The following MCM2 variants were observed in gnomAD, a reference collection of about 807,000 sequenced individuals.
MCM2 encodes the protein minichromosome maintenance complex component 2.
Under a neutral mutation model 86.4 loss-of-function variants are expected in MCM2, and 49 were observed. That is an observed-to-expected ratio of 0.57 (90% confidence interval 0.45 to 0.72). The LOEUF is 0.72. Among genes scored for constraint, MCM2 ranks in the 30% least tolerant of loss-of-function variants. The pLI, the probability that MCM2 is intolerant of heterozygous loss-of-function variation, is 0.00. For missense variants in MCM2, 1,038 were observed against 1,259.9 expected (o/e 0.82, Z 2.67); for synonymous variants, 475 against 484.6 (o/e 0.98, Z 0.26).
At position 127,620,780 on chromosome 3, in the gene MCM2, G is replaced by A. The variant is rs543054543; in HGVS notation, c.2348G>A (p.Arg783Gln). The change falls in exon 14 of 16, where the codon CGG becomes CAG. Residue 783 changes from arginine to glutamine, a missense_variant. This residue lies in a region of MCM2 where 336 missense variants were observed against 425.7 expected (regional missense o/e 0.79). Transcript: ENST00000265056. ...GAGGCCCACGCGCGCATCCATCTGC[G>A]GGACTATGTGATCGAAGACGACGTC... ...MAEAHARIHL[R>Q]DYVIEDDVNM... 7.4e-5 allele frequency: 119 copies of A among 1,614,122 alleles called. 3 individuals are homozygous for A. The South Asian group carries it at 1.0e-3, about 14-fold the overall frequency.
intron 2 of MCM2, among the ~76,000 whole-genome samples, chr3:127,603,722 C>T (rs1029159512): frequency 2.0e-5 from 3 of 151,746 alleles, no homozygotes; most frequent in Non-Finnish European, 4.4e-5. Flanking sequence ...AGTGCAGTGG[C>T]ACAATCTCTG....
rs567761231 is a variant in MCM2, at chr3:127,617,157, G to A, written c.1773+39G>A. 6 of 1,607,736 alleles carry A rather than the reference G, an allele frequency of 3.7e-6. No individual in the cohort carries two copies. The African/African-American group carries it at 5.3e-5, about 14-fold the overall frequency. ...TCACGGAGGCTGGTGGAACTCAGGG[G>A]GTGTGTGTGGGCTTGGGCCTTAGCG... On this transcript the variant is annotated intron_variant, in intron 10 of 15. Coordinates refer to ENST00000265056, the MANE Select transcript of MCM2 (RefSeq NM_004526.4). This position sits in a 1 kb window ranked among gnomAD's most constrained non-coding sequence, Gnocchi z 4.1.
In MCM2 at chr3:127,608,488, T is replaced by G; in HGVS notation, c.1208T>G (p.Val403Gly). The G allele has an allele frequency of 6.2e-7, 1 of 1,613,986 alleles. No individual in the cohort carries two copies. The highest frequency in any genetic ancestry group is 8.5e-7 in the Non-Finnish European group (1 of 1,179,988). The change falls in exon 7 of 16, where the codon GTG (valine) becomes GGG (glycine). Residue 403 changes from valine to glycine, a missense_variant. Val to Gly is a moderately radical substitution (Grantham distance 109). Around this residue, in one of 4 missense-constraint regions of MCM2, gnomAD observed 399 missense variants for 507.2 expected, o/e 0.79. Coordinates refer to ENST00000265056, the MANE Select transcript of MCM2 (RefSeq NM_004526.4). ...SKDAILLADL[V>G]DSCKPGDEIE... ...GACGCCATTCTCCTCGCAGATCTGG[T>G]GGACAGCTGCAAGCCAGGAGACGAG...
chr3:127,605,069 C>T lies in MCM2; in HGVS notation c.586C>T (p.His196Tyr), dbSNP rs752260808. The T allele has an allele frequency of 5.0e-6, 8 of 1,613,800 alleles. No individual in the cohort carries two copies. Among genetic ancestry groups the T allele is most frequent in the East Asian group, 4.5e-5 (2 of 44,902 alleles). Residue 196 changes from histidine (H) to tyrosine (Y), a missense_variant, in exon 4 of 16, where the codon CAC becomes TAC. This residue lies in a region of MCM2 where 300 missense variants were observed against 307.4 expected (regional missense o/e 0.98). Transcript: ENST00000265056. ...CATGGCGGGCCCCCGGCTGGAGATC[C>T]ACCACCGCTTCAAGAACTTCCTGCG... ...VSMAGPRLEI[H>Y]HRFKNFLRTH...
chr3:127,620,971 C>G, intron 14 of MCM2, 91 bp downstream of exon 14: 1 of 1,571,560 alleles, frequency 6.4e-7, no homozygotes, highest in Non-Finnish European at 8.7e-7. Context: ...GACGTGCACC[C>G]AGGAGCGGCA....
chr3:127,616,846 CGCTT>C lies in MCM2; in HGVS notation c.1523-21_1523-18del. On this transcript the variant is annotated intron_variant, in intron 9 of 15. Coordinates refer to ENST00000265056, the MANE Select transcript of MCM2 (RefSeq NM_004526.4). ...CTCACTTCCCACTCTCCCCCTCCCCCGCTTCTACTCATCCCCTCCAGGTGGCAAG... is the reference window on the plus strand; with the variant it reads ...CTCACTTCCCACTCTCCCCCTCCCCCCTACTCATCCCCTCCAGGTGGCAAG... 1 of 1,603,986 alleles carries C rather than the reference CGCTT, an allele frequency of 6.2e-7. No homozygotes were observed. Among genetic ancestry groups the C allele is most frequent in the Non-Finnish European group, 8.5e-7 (1 of 1,172,434 alleles).
chr3:127,599,467 G>T lies in MCM2; in HGVS notation c.156G>T (p.Glu52Asp), dbSNP rs2074290197. 1 of 1,614,076 alleles carries T rather than the reference G, an allele frequency of 6.2e-7. No individual in the cohort carries two copies. The highest frequency in any genetic ancestry group is 8.5e-7 in the Non-Finnish European group (1 of 1,180,036). The part of the protein sequence containing the change: ...PGRDLPPFED[E>D]SEGLLGTEGP... ...GTGACCTTCCACCATTTGAGGATGA[G>T]TCCGAGGGGCTCCTAGGCACAGAGG... Residue 52 changes from glutamate to aspartate, a missense_variant, in exon 2 of 16, where the codon GAG becomes GAT. Glu to Asp is a conservative substitution (Grantham distance 45). This residue lies in a region of MCM2 where 300 missense variants were observed against 307.4 expected (regional missense o/e 0.98). Transcript: ENST00000265056.
At position 127,606,153 on chromosome 3, in the gene MCM2, T is replaced by C. The variant is rs774214776; in HGVS notation, c.709T>C (p.Leu237=). The C allele has an allele frequency of 3.1e-6, 5 of 1,614,190 alleles. No homozygotes were observed. The highest frequency in any genetic ancestry group is 1.7e-5 in the Admixed American group (1 of 60,026). Residue 237 remains leucine, a synonymous_variant, in exon 5 of 16, where the codon TTG becomes CTG. Coordinates refer to ENST00000265056, the MANE Select transcript of MCM2 (RefSeq NM_004526.4). This position sits in a 1 kb window ranked among gnomAD's most constrained non-coding sequence, Gnocchi z 4.2. The part of the protein sequence containing the change: ...RESLVVNYED[L]AAREHVLAYF... ...GAGCCTGGTGGTGAACTATGAGGAC[T>C]TGGCAGCCAGGGAGCACGTGCTGGC...
In MCM2 at chr3:127,617,155, G is replaced by T. The variant is rs759115380; in HGVS notation, c.1773+37G>T. On this transcript the variant is annotated intron_variant, in intron 10 of 15. Transcript: ENST00000265056. This position sits in a 1 kb window ranked among gnomAD's most constrained non-coding sequence, Gnocchi z 4.1. ...GGTCACGGAGGCTGGTGGAACTCAG[G>T]GGGTGTGTGTGGGCTTGGGCCTTAG... 36 of 1,608,164 alleles carry T rather than the reference G, an allele frequency of 2.2e-5. No homozygotes were observed. In the South Asian group the frequency reaches 3.0e-4, roughly 13 times the overall value.
chr3:127,605,238 C>T, intron 4 of MCM2, 82 bp downstream of exon 4: 1 of 1,537,394 alleles, frequency 6.5e-7, no homozygotes, highest in Non-Finnish European at 8.9e-7. Context: ...GCCGAGTGAA[C>T]ACGTGAAGCA....
chr3:127,617,673 G>A lies in MCM2; in HGVS notation c.1900+268G>A. Reference sequence around the variant, plus strand: ...GAGAGCCCAGTGCCCCTCTGGCCAGGATGGAGTTGGCTGTTGGTCTCAGCA... The same window carrying A: ...GAGAGCCCAGTGCCCCTCTGGCCAGAATGGAGTTGGCTGTTGGTCTCAGCA... On this transcript the variant is annotated intron_variant, in intron 11 of 15. Coordinates refer to ENST00000265056, the MANE Select transcript of MCM2 (RefSeq NM_004526.4). This position sits in a 1 kb window ranked among gnomAD's most constrained non-coding sequence, Gnocchi z 4.1. The A allele has an allele frequency of 1.7e-6, 1 of 594,916 alleles. No homozygotes were observed. Among genetic ancestry groups the A allele is most frequent in the Non-Finnish European group, 3.0e-6 (1 of 336,594 alleles). The allele number at this position is 594,916 out of a possible 1,614,324, so 36.9% of individuals were successfully genotyped here.
chr3:127,610,682 T>G, intron 8 of MCM2: 1 of 427,088 alleles, frequency 2.3e-6, no homozygotes, highest in South Asian at 1.7e-5. Context: ...TGCGTGTCTT[T>G]GCATCCACCG....
At chr3:127,601,399 C>T (rs1251877611) in intron 2 of MCM2, among the ~76,000 whole-genome samples, 3 of 152,136 alleles carry the variant, frequency 2.0e-5, no homozygotes, top group African/African-American at 4.8e-5. Flanking sequence ...TTTGCTCTGT[C>T]GCTTAGGCTG....
rs765486754 is a variant in MCM2 at position 127,606,111 on chromosome 3, C to G, written c.674-7C>G. Reference sequence around the variant, plus strand: ...GTTAACTCTCTTCCCACTGTGCCCCCTTCTAGAGAACCGTGAGAGCCTGGT... The same window carrying G: ...GTTAACTCTCTTCCCACTGTGCCCCGTTCTAGAGAACCGTGAGAGCCTGGT... On this transcript the variant is annotated splice_polypyrimidine_tract_variant and splice_region_variant and intron_variant, in intron 4 of 15. Transcript: ENST00000265056. The surrounding 1 kb of genome is among the most constrained non-coding windows in gnomAD (Gnocchi z 4.2). 4 of 1,612,142 alleles carry G rather than the reference C, an allele frequency of 2.5e-6. No individual in the cohort carries two copies. The African/African-American group carries it at 4.0e-5, about 16-fold the overall frequency.
Position 127,605,084 on chromosome 3 carries a change from A to T in MCM2, c.601A>T (p.Asn201Tyr). 2 of 1,613,996 alleles carry T rather than the reference A, an allele frequency of 1.2e-6. No individual in the cohort carries two copies. Among genetic ancestry groups the T allele is most frequent in the Non-Finnish European group, 8.5e-7 (1 of 1,180,020 alleles). ...PRLEIHHRFKNFLRTHVDSHG... is the reference protein window; with the variant it reads ...PRLEIHHRFKYFLRTHVDSHG... ...GCTGGAGATCCACCACCGCTTCAAGAACTTCCTGCGCACTCACGTCGACAG... is the reference window on the plus strand; with the variant it reads ...GCTGGAGATCCACCACCGCTTCAAGTACTTCCTGCGCACTCACGTCGACAG... Residue 201 changes from asparagine (N) to tyrosine (Y), a missense_variant, in exon 4 of 16, where the codon AAC becomes TAC. Transcript: ENST00000265056.
intron 2 of MCM2, among the ~76,000 whole-genome samples, chr3:127,600,067 G>A (rs2074296380): frequency 6.6e-6 from 1 of 152,208 alleles, no homozygotes; most frequent in African/African-American, 2.4e-5. Flanking sequence ...ATCACCTGAG[G>A]TCAGGAGTTT....
chr3:127,611,054 T>C, intron 8 of MCM2: 2 of 436,226 alleles, frequency 4.6e-6, no homozygotes, highest in South Asian at 1.6e-5. Flanking sequence ...TAATAGGAAA[T>C]AGACAAGATC....
chr3:127,609,146 T>C, intron 8 of MCM2, 123 bp downstream of exon 8: 1 of 1,003,282 alleles, frequency 1.0e-6, no homozygotes, highest in Non-Finnish European at 1.5e-6. Context: ...TGGAGCTCAG[T>C]AAGCTTGTCT....
intron 8 of MCM2, chr3:127,611,120 A>G (rs2074391923): frequency 2.6e-6 from 1 of 379,678 alleles, no homozygotes; most frequent in Non-Finnish European, 5.2e-6. Context: ...GAAAGCCAGG[A>G]CCTCCCAGCC....
Sources: allele counts gnomAD v4.1 joint callset (sites outside exome capture counted in the v4.1 genomes callset), GRCh38; gene constraint gnomAD v4.1.1; regional missense constraint gnomAD v4.1.1; non-coding constraint Gnocchi (gnomAD v3.1); transcripts MANE v1.5; gene names NCBI Gene and HGNC (gene_info 2026-07-23, HGNC 2026-07-21).